Variants in XDH observed in about 807,000 individuals in gnomAD.
The protein encoded by XDH is xanthine dehydrogenase.
XDH carries 138 observed loss-of-function variants against 156.1 expected under a neutral mutation model. The observed-to-expected ratio is 0.88, with a 90% CI of 0.77 to 1.02. XDH has a LOEUF of 1.02. Among genes scored for constraint, XDH ranks in the 50% least tolerant of loss-of-function variants. The pLI, the probability that XDH is intolerant of heterozygous loss-of-function variation, is 0.00. For synonymous variants in XDH, 669 were observed against 625.7 expected (o/e 1.07, Z -1.03); for missense variants, 1,849 against 1,684.9 (o/e 1.10, Z -1.71).
chr2:31,392,389 T>A (rs1484018563), intron 6 of XDH, among the ~76,000 whole-genome samples: 1 of 151,504 alleles, frequency 6.6e-6, no homozygotes, highest in Non-Finnish European at 1.5e-5. Context: ...GAGCCCAGAT[T>A]GCTGATTTTA....
At chr2:31,352,073 C>T (rs1003597577) in intron 24 of XDH, among the ~76,000 whole-genome samples, 5 of 152,052 alleles carry the variant, frequency 3.3e-5, no homozygotes, top group African/African-American at 1.2e-4. Flanking sequence ...TTGATAGCTT[C>T]CCCTTCTCTG....
chr2:31,339,629 G>T lies in XDH; in HGVS notation c.3634C>A (p.Leu1212Ile). The change falls in exon 34 of 36, where the codon CTA becomes ATA. Residue 1212 changes from leucine to isoleucine, a missense_variant. Coordinates refer to ENST00000379416, the MANE Select transcript of XDH (RefSeq NM_000379.4). ...AGGCTCCCCTCGGGGGAATAGTGTA[G>T]CTCCTCTAGGGTGAAGAGGCCAAGG... ...QGLGLFTLEE[L>I]HYSPEGSLHT... 1.9e-6 allele frequency: 3 copies of T among 1,614,170 alleles called. No individual in the cohort carries two copies. The highest frequency in any genetic ancestry group is 1.7e-6 in the Non-Finnish European group (2 of 1,180,022).
intron 10 of XDH, among the ~76,000 whole-genome samples, chr2:31,383,495 G>T (rs45568731): frequency 7.5e-6 from 1 of 133,268 alleles, no homozygotes. Flanking sequence ...CCCCACCCCC[G>T]CATGAGTGAT....
chr2:31,357,759 T>C (rs1015341777), intron 24 of XDH, among the ~76,000 whole-genome samples: 1 of 152,090 alleles, frequency 6.6e-6, no homozygotes, highest in Admixed American at 6.5e-5. Context: ...GTGATAGATA[T>C]TGACGTTACC....
intron 34 of XDH, among the ~76,000 whole-genome samples, chr2:31,338,530 C>T (rs992846404): frequency 6.6e-6 from 1 of 152,150 alleles, no homozygotes; most frequent in Non-Finnish European, 1.5e-5. Flanking sequence ...CTTCCCCACC[C>T]ACTATGGTAA....
Position 31,370,364 on chromosome 2 carries a change from C to G in XDH, c.1971G>C (p.Ala657=), listed in dbSNP as rs557103794. ...TGICNDETVF[A]KDKVTCVGHI... ...AAAATCCAAGACTTACCTTATCCTT[C>G]GCAAAGACTGTCTCATCATTACAAA... Residue 657 remains alanine (A), a synonymous_variant, in exon 18 of 36, where the codon GCG becomes GCC. Transcript: ENST00000379416. 2 of 1,614,212 alleles carry G rather than the reference C, an allele frequency of 1.2e-6. No homozygotes were observed. The highest frequency in any genetic ancestry group is 2.7e-5 in the African/African-American group (2 of 75,068).
intron 15 of XDH, 141 bp downstream of exon 15, chr2:31,375,239 A>G (rs779465363): frequency 3.2e-4 from 375 of 1,164,772 alleles, no homozygotes; most frequent in Non-Finnish European, 4.5e-4. Context: ...TCCCATTTCC[A>G]AGATTCTTGT....
In XDH at chr2:31,397,725, A is replaced by G. The variant is rs776199635; in HGVS notation, c.438T>C (p.Asn146=). ...GTCTGTAGCCTGTGCAGCGGCACAG[A>G]TTTCCTGTGGGCCAAGGAAAAAACT... ...MEEIENAFQG[N]LCRCTGYRPI... The change falls in exon 6 of 36, where the codon AAT becomes AAC. Residue 146 remains asparagine, a synonymous_variant. Coordinates refer to ENST00000379416, the MANE Select transcript of XDH (RefSeq NM_000379.4). 1 of 1,614,152 alleles carries G rather than the reference A, an allele frequency of 6.2e-7. No individual in the cohort carries two copies. Among genetic ancestry groups the G allele is most frequent in the Middle Eastern group, 1.6e-4 (1 of 6,062 alleles).
At chr2:31,339,977 G>A (rs181305704) in intron 33 of XDH, among the ~76,000 whole-genome samples, 1 of 152,308 alleles carries the variant, frequency 6.6e-6, no homozygotes, top group East Asian at 1.9e-4. Flanking sequence ...GTTGCTACTG[G>A]GGAAATGGTG....
rs552904501 is a variant in XDH at position 31,381,461 on chromosome 2, C to T, written c.1132+172G>A. On this transcript the variant is annotated intron_variant, in intron 12 of 35. Transcript: ENST00000379416. ...TGTGAATTCTCTACAGAGAAAATAT[C>T]CAGCTTTCCCGTCCACCAAACCAGG... Among the ~76,000 whole-genome samples, 4 of 152,274 alleles carry T rather than the reference C, an allele frequency of 2.6e-5. No homozygotes were observed. The South Asian group carries it at 8.3e-4, about 32-fold the overall frequency.
At chr2:31,357,666 T>C (rs958133055) in intron 24 of XDH, among the ~76,000 whole-genome samples, 2 of 151,898 alleles carry the variant, frequency 1.3e-5, no homozygotes, top group Non-Finnish European at 2.9e-5. Flanking sequence ...TTTTTAAATA[T>C]ATGATAATTT....
chr2:31,358,449 G>A (rs1042414185), intron 24 of XDH, among the ~76,000 whole-genome samples: 4 of 151,992 alleles, frequency 2.6e-5, no homozygotes, highest in African/African-American at 9.7e-5. Context: ...GACCAAGATG[G>A]TATAATTTTA....
chr2:31,370,450 C>T lies in XDH; in HGVS notation c.1885G>A (p.Val629Ile), dbSNP rs148464316. 986 of 1,614,172 alleles carry T rather than the reference C, an allele frequency of 6.1e-4. 7 individuals carry two copies. The African/African-American group carries it at 0.011, about 18-fold the overall frequency. Residue 629 changes from valine to isoleucine, a missense_variant, in exon 18 of 36, where the codon GTT becomes ATT. Physicochemically the swap from Val to Ile is conservative, Grantham distance 29 (BLOSUM62 3). Transcript: ENST00000379416. The stretch of plus-strand genomic sequence containing the variant: ...GAAATGAAACAAACAAACCCTGGAA[C>T]CTTCTTAGCTTCTGATGTATCTATG... ...KSIDTSEAKK[V>I]PGFVCFISAD...
rs2148778907 is a variant in XDH, at chr2:31,379,815, C to G, written c.1242+52G>C. 3 of 1,555,088 alleles carry G rather than the reference C, an allele frequency of 1.9e-6. No homozygotes were observed. The South Asian group carries it at 3.3e-5, about 17-fold the overall frequency. On this transcript the variant is annotated intron_variant, in intron 13 of 35. Transcript: ENST00000379416. ...AGATTCTGATCTCTTTGTCTAGAGCCTGGCAATAGGACTTATTTGAGCAGA... is the reference window on the plus strand; with the variant it reads ...AGATTCTGATCTCTTTGTCTAGAGCGTGGCAATAGGACTTATTTGAGCAGA...
At chr2:31,392,728 T>C (rs543434003) in intron 6 of XDH, among the ~76,000 whole-genome samples, 3 of 152,336 alleles carry the variant, frequency 2.0e-5, no homozygotes, top group South Asian at 2.1e-4. Context: ...TGGTGGATTA[T>C]TGATTTTTAA....
Position 31,348,983 on chromosome 2 carries a change from A to G in XDH, c.2970-3T>C, listed in dbSNP as rs1558679054. On this transcript the variant is annotated splice_polypyrimidine_tract_variant and splice_region_variant and intron_variant, in intron 26 of 35. Transcript: ENST00000379416. ...CTCTCTTTTTCCAACAATTCTCCCT[A>G]GAGAAAAAGGAATATTCTTATAGAA... The G allele has an allele frequency of 1.2e-6, 2 of 1,612,726 alleles. No individual in the cohort carries two copies. The highest frequency in any genetic ancestry group is 1.7e-6 in the Non-Finnish European group (2 of 1,178,722).
intron 27 of XDH, 62 bp from the exon 28 acceptor site, chr2:31,348,425 G>C (rs988392010): frequency 7.1e-5 from 108 of 1,525,910 alleles, no homozygotes; most frequent in Non-Finnish European, 7.6e-5. Flanking sequence ...TAAGGTTTGG[G>C]ACCAAAGGTA....
At position 31,336,835 on chromosome 2, in the gene XDH, G is replaced by A. The variant is rs1478846518; in HGVS notation, c.3951+806C>T. On this transcript the variant is annotated intron_variant, in intron 35 of 35. Transcript: ENST00000379416. ...ATTTTAAAAAGAGAAAGCCCCACCT[G>A]AGTATCAGGAAGAACCCAGTCCTGC... Among the ~76,000 whole-genome samples, 10 of 144,330 alleles carry A rather than the reference G, an allele frequency of 6.9e-5. 1 individual carries two copies. The highest frequency in any genetic ancestry group is 1.5e-4 in the Non-Finnish European group (10 of 66,128). The allele number at this position is 144,330 out of a possible 152,430, so 94.7% of individuals were successfully genotyped here.
At chr2:31,389,023 G>T (rs1037441227) in intron 6 of XDH, among the ~76,000 whole-genome samples, 7 of 149,522 alleles carry the variant, frequency 4.7e-5, no homozygotes. Context: ...GCAGAGGGGC[G>T]CACTCAGCTG....
Sources: gnomAD v4.1 joint callset for allele counts (sites outside exome capture counted in the v4.1 genomes callset) on GRCh38, gnomAD v4.1.1 for gene constraint, MANE v1.5 for transcripts, NCBI Gene and HGNC (gene_info 2026-07-23, HGNC 2026-07-21) for gene names.